The following SNX25 variants were observed in gnomAD, a reference collection of about 807,000 sequenced individuals.
SNX25 encodes sorting nexin-25.
A neutral mutation model predicts 113.7 loss-of-function variants in SNX25; 62 were observed. That is an observed-to-expected ratio of 0.55 (90% CI 0.44 to 0.67). The LOEUF (loss-of-function observed/expected upper bound fraction) is 0.67. Ranked by LOEUF, SNX25 falls within the 30% of genes least tolerant of loss-of-function variation. SNX25 has a pLI of 0.00. For synonymous variants in SNX25, 421 were observed against 436.2 expected (o/e 0.97, Z 0.43); for missense variants, 1,014 against 1,161.0 (o/e 0.87, Z 1.84).
At chr4:185,242,345 G>A (rs1744186432) in intron 1 of SNX25, among the ~76,000 whole-genome samples, 1 of 152,130 alleles carries the variant, frequency 6.6e-6, no homozygotes, top group Admixed American at 6.5e-5. Context: ...CATAGATTAA[G>A]TGAAGCTCAG....
intron 6 of SNX25, among the ~76,000 whole-genome samples, chr4:185,296,742 G>A (rs1400173270): frequency 1.3e-5 from 2 of 152,130 alleles, no homozygotes; most frequent in African/African-American, 4.8e-5. Flanking sequence ...TAACAAGTAC[G>A]AAACAGTTTG....
the SNX25 span, chr4:185,375,722 C>A: frequency 6.3e-7 from 1 of 1,589,800 alleles, no homozygotes. Context: ...TTCTTCATAC[C>A]ATCCCTAGAA....
intron 2 of SNX25, among the ~76,000 whole-genome samples, chr4:185,257,602 A>G (rs1000462037): frequency 6.6e-6 from 1 of 152,210 alleles, no homozygotes; most frequent in African/African-American, 2.4e-5. Context: ...TTAAATGGAT[A>G]TATTATTAAA....
chr4:185,298,093 C>CTTTTTTTTT (rs6148841), intron 6 of SNX25, among the ~76,000 whole-genome samples: 82 of 137,142 alleles, frequency 6.0e-4, no homozygotes, highest in African/African-American at 1.6e-3. Flanking sequence ...ATAGTAACTT[C>CTTTTTTTTT]TTTTTTTTTT....
intron 9 of SNX25, among the ~76,000 whole-genome samples, chr4:185,328,806 T>C (rs2095174211): frequency 6.6e-6 from 1 of 152,032 alleles, no homozygotes; most frequent in Admixed American, 6.6e-5. Context: ...GAATGGCGGA[T>C]TGACTGGTTG....
chr4:185,223,139 C>G lies in SNX25; in HGVS notation c.429+12884C>G, dbSNP rs145440054. ...CCCATACACCCCTTTGTATCTCCAC[C>G]CCAATATCAGCACCTTCTCTCCCAC... On this transcript the variant is annotated intron_variant, in intron 1 of 18. Transcript: ENST00000652585. Among the ~76,000 whole-genome samples, 52 of 152,224 alleles carry G rather than the reference C, an allele frequency of 3.4e-4. No homozygotes were observed. The East Asian group carries it at 8.3e-3, about 24-fold the overall frequency.
upstream of SNX25, among the ~76,000 whole-genome samples, chr4:185,208,238 G>C (rs1365125389): frequency 2.0e-5 from 3 of 151,918 alleles, no homozygotes; most frequent in Admixed American, 2.0e-4. Flanking sequence ...GGCTAGTCTT[G>C]AACTCCTAAC....
rs958822324 is a variant in SNX25, at chr4:185,269,950, C to G, written c.1091+2795C>G. Among the ~76,000 whole-genome samples the G allele has an allele frequency of 2.6e-5, 4 of 152,148 alleles. No individual in the cohort carries two copies. The South Asian group carries it at 8.3e-4, about 32-fold the overall frequency. On this transcript the variant is annotated intron_variant, in intron 5 of 18. Transcript: ENST00000652585. ...TGTTATTTTGTATCTTAACACAGTT[C>G]CTGTATTGTAAGATGAATGAATCTT...
At chr4:185,372,764 C>T (rs2095420190), downstream of SNX25, 1 of 1,130,508 alleles carries the variant, frequency 8.8e-7, no homozygotes, top group Non-Finnish European at 1.3e-6. Flanking sequence ...CTCCTGGCCT[C>T]TGGAACTGTG....
At chr4:185,218,082 T>G (rs975476661) in intron 1 of SNX25, among the ~76,000 whole-genome samples, 5 of 151,824 alleles carry the variant, frequency 3.3e-5, no homozygotes, top group Admixed American at 3.3e-4. Context: ...AGTCTAGGAG[T>G]GTGTGCTTCT....
At chr4:185,285,959 G>A (rs1751294096) in intron 5 of SNX25, among the ~76,000 whole-genome samples, 1 of 141,608 alleles carries the variant, frequency 7.1e-6, no homozygotes, top group Non-Finnish European at 1.5e-5. Context: ...TTTATTTTTA[G>A]TAGAGACAGG....
intron 6 of SNX25, among the ~76,000 whole-genome samples, chr4:185,308,820 C>G (rs1163646100): frequency 6.6e-6 from 1 of 152,176 alleles, no homozygotes; most frequent in African/African-American, 2.4e-5. Context: ...GTCTCACACA[C>G]TCCCATGATG....
intron 5 of SNX25, 75 bp downstream of exon 5, chr4:185,267,230 A>C: frequency 7.0e-7 from 1 of 1,425,656 alleles, no homozygotes; most frequent in Admixed American, 2.2e-5. Context: ...AAAAAAAAAA[A>C]AAAGTAGTTG....
At chr4:185,218,132 T>A (rs2126325571) in intron 1 of SNX25, among the ~76,000 whole-genome samples, 1 of 152,340 alleles carries the variant, frequency 6.6e-6, no homozygotes, top group South Asian at 2.1e-4. Context: ...TCACCCAGGC[T>A]GGAGTGCAGT....
intron 3 of SNX25, among the ~76,000 whole-genome samples, chr4:185,259,474 A>G (rs933775318): frequency 1.3e-5 from 2 of 152,198 alleles, no homozygotes; most frequent in Non-Finnish European, 2.9e-5. Flanking sequence ...TTGCATCACA[A>G]TATCCTGAAA....
chr4:185,251,598 CGTGTGTGTGTGTGTGTGTGTGTGTGT>C (rs71593618), intron 2 of SNX25, among the ~76,000 whole-genome samples: 1 of 147,166 alleles, frequency 6.8e-6, no homozygotes, highest in Non-Finnish European at 1.5e-5. Context: ...TATTCCATTG[CGTGTGTGTGTGTGTGTGTGTGTGTGT>C]GTGTGTGTGT....
intron 5 of SNX25, among the ~76,000 whole-genome samples, chr4:185,270,566 G>T (rs1748781211): frequency 6.6e-6 from 1 of 152,202 alleles, no homozygotes; most frequent in African/African-American, 2.4e-5. Flanking sequence ...CCACCTTTAA[G>T]TGTACAATTC....
At chr4:185,262,521 T>G (rs1747471095) in intron 3 of SNX25, among the ~76,000 whole-genome samples, 1 of 152,206 alleles carries the variant, frequency 6.6e-6, no homozygotes, top group East Asian at 1.9e-4. Context: ...AATTTCTGAT[T>G]GTGGTGTAAT....
chr4:185,262,887 C>T (rs1747525655), intron 3 of SNX25, among the ~76,000 whole-genome samples: 1 of 152,216 alleles, frequency 6.6e-6, no homozygotes, highest in African/African-American at 2.4e-5. Context: ...CCTCCTGCCA[C>T]AGAAGCAGCC....
Sources: allele counts gnomAD v4.1 joint callset (sites outside exome capture counted in the v4.1 genomes callset), GRCh38; gene constraint gnomAD v4.1.1; transcripts MANE v1.5; gene names NCBI Gene and HGNC (gene_info 2026-07-23, HGNC 2026-07-21).